Variants in AFG2A observed in about 807,000 individuals in gnomAD.
The protein encoded by AFG2A is AAA ATPase AFG2A.
the AFG2A span, chr4:122,927,783 G>C: frequency 1.2e-6 from 2 of 1,608,616 alleles, no homozygotes; most frequent in Non-Finnish European, 1.7e-6. Context: ...CATTTCCTTA[G>C]TTTAGAAATA....
the AFG2A span, among the ~76,000 whole-genome samples, chr4:123,307,424 GT>G: frequency 6.6e-6 from 1 of 152,082 alleles, no homozygotes; most frequent in African/African-American, 2.4e-5. Context: ...ATCTCATTAG[GT>G]TTTCCTATAA....
chr4:123,108,818 A>G, the AFG2A span, among the ~76,000 whole-genome samples: 2 of 152,260 alleles, frequency 1.3e-5, no homozygotes, highest in East Asian at 3.9e-4. Flanking sequence ...TATTTTGGGA[A>G]TTTCTAAGAG....
chr4:122,983,388 G>A, the AFG2A span, among the ~76,000 whole-genome samples: 58 of 151,640 alleles, frequency 3.8e-4, no homozygotes, highest in African/African-American at 1.2e-3. Context: ...TCTTTGTTGT[G>A]TAAAATTAGG....
chr4:123,067,977 T>C, the AFG2A span, among the ~76,000 whole-genome samples: 1 of 152,300 alleles, frequency 6.6e-6, no homozygotes, highest in Admixed American at 6.5e-5. Context: ...ATCCCTTTGA[T>C]CTGTGGTCCT....
At chr4:123,213,055 C>T in the AFG2A span, among the ~76,000 whole-genome samples, 1 of 152,112 alleles carries the variant, frequency 6.6e-6, no homozygotes, top group African/African-American at 2.4e-5. Flanking sequence ...CTTGGACCTT[C>T]CAGCATTTGA....
At chr4:122,969,645 G>A in the AFG2A span, among the ~76,000 whole-genome samples, 1 of 152,106 alleles carries the variant, frequency 6.6e-6, no homozygotes, top group Admixed American at 6.5e-5. Flanking sequence ...ATTTTGATTG[G>A]AATTATTAAG....
chr4:123,052,052 T>C, the AFG2A span, among the ~76,000 whole-genome samples: 1 of 152,148 alleles, frequency 6.6e-6, no homozygotes, highest in Non-Finnish European at 1.5e-5. Context: ...TCTTTCTCAG[T>C]TTTTTTCTTT....
the AFG2A span, chr4:123,255,974 T>C: frequency 6.2e-7 from 1 of 1,610,662 alleles, no homozygotes. Context: ...GGAATGTCAG[T>C]TCTGAGCCCA....
chr4:123,029,016 C>A, the AFG2A span, among the ~76,000 whole-genome samples: 1 of 152,200 alleles, frequency 6.6e-6, no homozygotes, highest in Non-Finnish European at 1.5e-5. Flanking sequence ...ACATATAAAA[C>A]TGTAAATCCA....
chr4:123,177,370 T>C, the AFG2A span, among the ~76,000 whole-genome samples: 1 of 151,690 alleles, frequency 6.6e-6, no homozygotes, highest in African/African-American at 2.4e-5. Flanking sequence ...TTTTTGTATT[T>C]TTAGTAGAGA....
chr4:123,145,102 G>A, the AFG2A span, among the ~76,000 whole-genome samples: 1 of 152,052 alleles, frequency 6.6e-6, no homozygotes, highest in Non-Finnish European at 1.5e-5. Context: ...CTCTCTTCCT[G>A]TGGTGGTTCT....
At chr4:123,153,725 C>G in the AFG2A span, among the ~76,000 whole-genome samples, 4,385 of 151,950 alleles carry the variant, frequency 0.029, 83 homozygotes, top group Non-Finnish European at 0.036. Context: ...AAAATAAGCA[C>G]AATAAAACCA....
At chr4:123,219,791 G>T in the AFG2A span, among the ~76,000 whole-genome samples, 3 of 151,872 alleles carry the variant, frequency 2.0e-5, no homozygotes, top group African/African-American at 4.8e-5. Context: ...CCTTGACCCT[G>T]TTTCTTCAAA....
At chr4:122,976,526 A>G in the AFG2A span, among the ~76,000 whole-genome samples, 1 of 152,110 alleles carries the variant, frequency 6.6e-6, no homozygotes, top group African/African-American at 2.4e-5. Flanking sequence ...TTTCCCTTTT[A>G]AAACATCGTT....
At chr4:123,076,745 A>G in the AFG2A span, among the ~76,000 whole-genome samples, 122,484 of 151,950 alleles carry the variant, frequency 0.81, 50,964 homozygotes, top group East Asian at 0.97. Flanking sequence ...AAAGAAATCA[A>G]TGTAGAAATA....
At chr4:123,047,546 C>T in the AFG2A span, among the ~76,000 whole-genome samples, 1 of 152,032 alleles carries the variant, frequency 6.6e-6, no homozygotes, top group Non-Finnish European at 1.5e-5. Flanking sequence ...GTTTCCTTTG[C>T]TGTGCAGACA....
chr4:122,978,835 A>T, the AFG2A span, among the ~76,000 whole-genome samples: 9 of 152,382 alleles, frequency 5.9e-5, no homozygotes, highest in South Asian at 4.1e-4. Flanking sequence ...GGCTTGGCTC[A>T]GCCTTAACTT....
chr4:123,232,751 T>C, the AFG2A span, among the ~76,000 whole-genome samples: 1 of 152,016 alleles, frequency 6.6e-6, no homozygotes, highest in Non-Finnish European at 1.5e-5. Flanking sequence ...TGGGGGATGA[T>C]TGCAGTGCAA....
At chr4:123,117,451 C>A in the AFG2A span, among the ~76,000 whole-genome samples, 17 of 148,112 alleles carry the variant, frequency 1.1e-4, no homozygotes, top group Non-Finnish European at 2.2e-4. Context: ...CTGATAGTAC[C>A]CATTATGGAA....
Sources: allele counts gnomAD v4.1 joint callset (sites outside exome capture counted in the v4.1 genomes callset), GRCh38; gene constraint gnomAD v4.1.1; transcripts MANE v1.5; gene names NCBI Gene and HGNC (gene_info 2026-07-23, HGNC 2026-07-21).